Variants in MYH16 observed in about 807,000 individuals in gnomAD.
The protein encoded by MYH16 is myosin heavy chain 16, also known as putative uncharacterized protein MYH16.
chr7:99,301,369 T>C (rs1792592301), intron 37 of MYH16, among the ~76,000 whole-genome samples: 1 of 152,164 alleles, frequency 6.6e-6, no homozygotes, highest in African/African-American at 2.4e-5. Context: ...TTTGACTTCA[T>C]GTTGACCTTA....
intron 1 of MYH16, among the ~76,000 whole-genome samples, chr7:99,241,364 C>T (rs1172460308): frequency 6.6e-6 from 1 of 152,170 alleles, no homozygotes; most frequent in Non-Finnish European, 1.5e-5. Context: ...GGGTGGATCA[C>T]CTGAGGTCAG....
intron 25 of MYH16, 22 bp from the exon 8 acceptor site, chr7:99,284,820 CAGG>C (rs1314299897): frequency 2.4e-5 from 11 of 456,448 alleles, no homozygotes; most frequent in Admixed American, 4.7e-5. Context: ...AGCCTTTCCT[CAGG>C]AGACCAACCC....
intron 9 of MYH16, among the ~76,000 whole-genome samples, chr7:99,256,040 G>A (rs1287137976): frequency 6.6e-6 from 1 of 152,028 alleles, no homozygotes; most frequent in African/African-American, 2.4e-5. Flanking sequence ...CACAACTTCT[G>A]TTAGGATTAT....
intron 10 of MYH16, among the ~76,000 whole-genome samples, chr7:99,257,670 G>T (rs1468286275): frequency 6.6e-6 from 1 of 152,126 alleles, no homozygotes; most frequent in Non-Finnish European, 1.5e-5. Flanking sequence ...ACAGGGTCTT[G>T]GTTTGTTGCC....
rs1792053800 is a variant in MYH16 at position 99,272,108 on chromosome 7, A to G, written n.2403+1015A>G. ...TTTGCTGAGACCCTATTCCCAAACA[A>G]GGTTCCCTTCCTAGGTATTGGGTGT... On this transcript the variant is annotated intron_variant and non_coding_transcript_variant, in intron 19 of 41. Coordinates refer to ENST00000439784, the Ensembl canonical transcript of MYH16. Among the ~76,000 whole-genome samples, 3 of 152,198 alleles carry G rather than the reference A, an allele frequency of 2.0e-5. No homozygotes were observed. The South Asian group carries it at 6.2e-4, about 31-fold the overall frequency.
exon 11 of MYH16, chr7:99,258,325 G>C (rs1791897136): frequency 6.5e-6 from 1 of 154,802 alleles, no homozygotes; most frequent in Admixed American, 6.5e-5. Flanking sequence ...CAAGACCTTG[G>C]ACACCAAGAT....
chr7:99,274,853 T>C (rs1792090477), intron 20 of MYH16, among the ~76,000 whole-genome samples: 1 of 152,000 alleles, frequency 6.6e-6, no homozygotes, highest in East Asian at 1.9e-4. Flanking sequence ...TTTGTATTTT[T>C]AGTAGAGACA....
At chr7:99,256,821 C>T (rs1458395072) in intron 9 of MYH16, among the ~76,000 whole-genome samples, 4 of 151,856 alleles carry the variant, frequency 2.6e-5, no homozygotes, top group Admixed American at 6.6e-5. Context: ...TGTGGTGGCA[C>T]GCACCTGTTA....
chr7:99,290,921 C>T (rs1156811358), intron 30 of MYH16: 1 of 152,528 alleles, frequency 6.6e-6, no homozygotes, highest in Non-Finnish European at 1.5e-5. Flanking sequence ...GGCTCATGAA[C>T]TTCTTCCTGG....
chr7:99,301,195 C>CAAA (rs11315562), intron 37 of MYH16, among the ~76,000 whole-genome samples: 6 of 54,466 alleles, frequency 1.1e-4, no homozygotes, highest in Admixed American at 2.4e-4. Flanking sequence ...GACTCTGTCT[C>CAAA]AAAAAAAAAA....
Position 99,301,595 on chromosome 7 carries a change from C to G in MYH16, n.4934-6C>G, listed in dbSNP as rs528259547. The G allele has an allele frequency of 3.9e-5, 6 of 153,044 alleles. No homozygotes were observed. The highest frequency in any genetic ancestry group is 8.8e-5 in the Non-Finnish European group (6 of 68,368). The allele number at this position is 153,044 out of a possible 1,614,324, so 9.5% of individuals were successfully genotyped here. ...TGGGCTGAGGCTGGGTCCCTGTGCC[C>G]CCCAGGACCTGCAGGTCCAGATGGA... is the stretch of plus-strand genomic sequence containing the variant. On this transcript the variant is annotated splice_region_variant and splice_polypyrimidine_tract_variant and intron_variant and non_coding_transcript_variant, in intron 37 of 41. Transcript: ENST00000439784.
intron 2 of MYH16, among the ~76,000 whole-genome samples, chr7:99,243,793 TCATCCATC>T (rs773793560): frequency 1.3e-5 from 2 of 150,390 alleles, no homozygotes; most frequent in Admixed American, 6.6e-5. Context: ...ATCCATTCAT[TCATCCATC>T]CATCCATCCA....
At chr7:99,288,662 T>C (rs1330336646) in intron 29 of MYH16, among the ~76,000 whole-genome samples, 1 of 151,954 alleles carries the variant, frequency 6.6e-6, no homozygotes, top group Non-Finnish European at 1.5e-5. Context: ...CACTCCAGCC[T>C]GGGCGACAGA....
chr7:99,286,655 C>T (rs1470614018), intron 28 of MYH16: 1 of 152,026 alleles, frequency 6.6e-6, no homozygotes, highest in Non-Finnish European at 1.5e-5. Flanking sequence ...TGAGGAGAAA[C>T]CAACTAATAA....
At chr7:99,241,598 A>T (rs1791667599) in intron 1 of MYH16, among the ~76,000 whole-genome samples, 1 of 152,072 alleles carries the variant, frequency 6.6e-6, no homozygotes, top group Admixed American at 6.6e-5. Flanking sequence ...AAACAACAAA[A>T]CAAAAACAAA....
chr7:99,287,625 C>T (rs1792297781), intron 28 of MYH16, among the ~76,000 whole-genome samples: 1 of 151,074 alleles, frequency 6.6e-6, no homozygotes, highest in Admixed American at 6.6e-5. Flanking sequence ...TCTACAAAGA[C>T]ACTATTTCCA....
At chr7:99,253,477 A>G (rs1406860998) in intron 7 of MYH16, 3 of 152,210 alleles carry the variant, frequency 2.0e-5, no homozygotes, top group Admixed American at 6.5e-5. Context: ...ACAGCAACAG[A>G]GGAGCATCAA....
rs1792507681 is a variant in MYH16 at position 99,296,918 on chromosome 7, G to A, written n.4499+1G>A. The stretch of plus-strand genomic sequence containing the variant: ...AAGAAGGAGAATAAGACCCTGCAGG[G>A]TGAGTCTGAGGGCAGGTGGATGGGA... On this transcript the variant is annotated splice_donor_variant and non_coding_transcript_variant, in intron 34 of 41. Transcript: ENST00000439784. 1 of 456,458 alleles carries A rather than the reference G, an allele frequency of 2.2e-6. No homozygotes were observed. Among genetic ancestry groups the A allele is most frequent in the South Asian group, 1.5e-5 (1 of 64,568 alleles). 28.3% of individuals were successfully genotyped at this position (456,458 alleles called of 1,614,324 possible). A position where few individuals can be genotyped will look rare whatever the true frequency, so the allele number is the denominator to read the frequency against.
chr7:99,262,804 C>G (rs1343383092), intron 13 of MYH16, among the ~76,000 whole-genome samples: 1 of 152,138 alleles, frequency 6.6e-6, no homozygotes, highest in Non-Finnish European at 1.5e-5. Context: ...AGCCAATGAC[C>G]CTACAGTGAT....
Sources: allele counts gnomAD v4.1 joint callset (sites outside exome capture counted in the v4.1 genomes callset), GRCh38; gene constraint gnomAD v4.1.1; transcripts MANE v1.5; gene names NCBI Gene and HGNC (gene_info 2026-07-23, HGNC 2026-07-21).